The following VEPH1 variants were observed in gnomAD, a reference collection of about 807,000 sequenced individuals.
The protein encoded by VEPH1 is ventricular zone-expressed PH domain-containing protein homolog 1.
In VEPH1, 80 loss-of-function variants were observed where a neutral mutation model predicts 85.2. That is an observed-to-expected ratio of 0.94 (90% confidence interval 0.78 to 1.13). The LOEUF is 1.13. Among genes scored for constraint, VEPH1 ranks in the 50% most tolerant of loss-of-function variants. The pLI is 0.00. For missense variants in VEPH1, 955 were observed against 980.5 expected (o/e 0.97, Z 0.35); for synonymous variants, 297 against 348.0 (o/e 0.85, Z 1.63).
At chr3:157,362,851 A>C (rs1726201756) in intron 9 of VEPH1, among the ~76,000 whole-genome samples, 1 of 152,208 alleles carries the variant, frequency 6.6e-6, no homozygotes, top group Non-Finnish European at 1.5e-5. Flanking sequence ...GTTGAGCATC[A>C]TCATCTATAC....
intron 2 of VEPH1, chr3:157,489,467 C>T (rs900382482): frequency 1.5e-5 from 3 of 195,502 alleles, no homozygotes; most frequent in African/African-American, 7.0e-5. Context: ...GAAATGATTT[C>T]CTCCAGGTAC....
intron 9 of VEPH1, among the ~76,000 whole-genome samples, chr3:157,334,321 C>T (rs1436057410): frequency 6.6e-6 from 1 of 152,090 alleles, no homozygotes; most frequent in East Asian, 1.9e-4. Flanking sequence ...AATTTGAAAG[C>T]CAATTTTAGA....
At chr3:157,363,817 G>A (rs1351663370) in intron 8 of VEPH1, 56 bp from the exon 9 acceptor site, 4 of 1,555,980 alleles carry the variant, frequency 2.6e-6, no homozygotes, top group Admixed American at 3.8e-5. Flanking sequence ...CACTGACAAG[G>A]AAAAGAAATA....
At chr3:157,486,077 C>T (rs1191193566) in intron 2 of VEPH1, among the ~76,000 whole-genome samples, 2 of 152,030 alleles carry the variant, frequency 1.3e-5, no homozygotes, top group Non-Finnish European at 2.9e-5. Context: ...TGAGGATATA[C>T]AAAATTTGAA....
intron 12 of VEPH1, among the ~76,000 whole-genome samples, chr3:157,285,738 T>C (rs1212349485): frequency 6.6e-6 from 1 of 152,224 alleles, no homozygotes; most frequent in Non-Finnish European, 1.5e-5. Flanking sequence ...GCAACGTGTT[T>C]CCACTGGTTG....
chr3:157,472,976 T>C (rs1338335169), intron 2 of VEPH1, among the ~76,000 whole-genome samples: 1 of 152,106 alleles, frequency 6.6e-6, no homozygotes, highest in Non-Finnish European at 1.5e-5. Flanking sequence ...TTTTTGACCA[T>C]GTTTCCTAGT....
chr3:157,445,040 A>G (rs1734434263), intron 4 of VEPH1, among the ~76,000 whole-genome samples: 1 of 152,174 alleles, frequency 6.6e-6, no homozygotes, highest in Non-Finnish European at 1.5e-5. Context: ...CAGCCATATA[A>G]CTATGTTCTG....
intron 9 of VEPH1, among the ~76,000 whole-genome samples, chr3:157,321,411 A>G (rs1408103000): frequency 6.6e-6 from 1 of 152,216 alleles, no homozygotes; most frequent in Non-Finnish European, 1.5e-5. Flanking sequence ...TAGGAAAGGA[A>G]CTAATTTTCA....
rs539675596 is a variant in VEPH1, at chr3:157,345,181, C to A, written c.1735+18183G>T. Among the ~76,000 whole-genome samples the A allele has an allele frequency of 1.4e-3, 218 of 152,114 alleles. 2 individuals carry two copies. Among genetic ancestry groups the A allele is most frequent in the East Asian group, 0.014 (72 of 5,176 alleles). On this transcript the variant is annotated intron_variant, in intron 9 of 13. Transcript: ENST00000362010. ...CAAAAGCCAAAATTGACAAATGGGA[C>A]CTAAATAAACTAAAGAGTTTCTGCA...
chr3:157,408,234 G>A (rs1169367202), intron 6 of VEPH1, among the ~76,000 whole-genome samples: 1 of 151,986 alleles, frequency 6.6e-6, no homozygotes, highest in Admixed American at 6.6e-5. Context: ...CATTATGGAT[G>A]GCCTTGGCTC....
At chr3:157,335,407 C>G (rs1281760478) in intron 9 of VEPH1, among the ~76,000 whole-genome samples, 1 of 150,452 alleles carries the variant, frequency 6.6e-6, no homozygotes, top group Non-Finnish European at 1.5e-5. Flanking sequence ...AAACAAAGAA[C>G]AAAAAACAAC....
At chr3:157,339,538 TC>T (rs1559971981) in intron 9 of VEPH1, among the ~76,000 whole-genome samples, 1 of 152,130 alleles carries the variant, frequency 6.6e-6, no homozygotes, top group Non-Finnish European at 1.5e-5. Context: ...GCTCCACTGC[TC>T]TTATGATATT....
Position 157,502,932 on chromosome 3 carries a change from G to A in VEPH1, c.-158+345C>T, listed in dbSNP as rs572083162. On this transcript the variant is annotated intron_variant, in intron 1 of 13. Transcript: ENST00000362010. ...TGCTGGTTGCAAAATGTTGATTGAAGTAAACAAAAGTATAAAATAGAAATG... is the reference window on the plus strand; with the variant it reads ...TGCTGGTTGCAAAATGTTGATTGAAATAAACAAAAGTATAAAATAGAAATG... Among the ~76,000 whole-genome samples, 12 of 152,260 alleles carry A rather than the reference G, an allele frequency of 7.9e-5. No individual in the cohort carries two copies. In the South Asian group the frequency reaches 2.5e-3, roughly 32 times the overall value.
intron 12 of VEPH1, among the ~76,000 whole-genome samples, chr3:157,267,899 G>A (rs763319296): frequency 6.6e-6 from 1 of 152,160 alleles, no homozygotes; most frequent in Non-Finnish European, 1.5e-5. Flanking sequence ...GCATTTCAGT[G>A]GTCAGGAAAG....
chr3:157,463,953 T>C (rs966772812), intron 3 of VEPH1, among the ~76,000 whole-genome samples: 9 of 152,192 alleles, frequency 5.9e-5, no homozygotes, highest in Non-Finnish European at 5.9e-5. Context: ...CTTTCTCTGC[T>C]CATTGGAAGT....
At chr3:157,336,935 A>G (rs986235311) in intron 9 of VEPH1, among the ~76,000 whole-genome samples, 1 of 152,220 alleles carries the variant, frequency 6.6e-6, no homozygotes, top group Non-Finnish European at 1.5e-5. Flanking sequence ...TTGGACTTTT[A>G]TATGGGAAGT....
At chr3:157,374,403 G>T (rs1342957901) in intron 7 of VEPH1, among the ~76,000 whole-genome samples, 1 of 152,184 alleles carries the variant, frequency 6.6e-6, no homozygotes, top group Non-Finnish European at 1.5e-5. Flanking sequence ...TTTTAATTAT[G>T]GTTCTGAACT....
chr3:157,473,947 G>A (rs1246366564), intron 2 of VEPH1, among the ~76,000 whole-genome samples: 2 of 152,028 alleles, frequency 1.3e-5, no homozygotes, highest in Admixed American at 1.3e-4. Context: ...CCCAATATTA[G>A]TTAACTTTGC....
At chr3:157,392,898 C>T (rs539530647) in intron 6 of VEPH1, among the ~76,000 whole-genome samples, 21 of 152,270 alleles carry the variant, frequency 1.4e-4, no homozygotes, top group African/African-American at 3.6e-4. Context: ...TGGTATAACC[C>T]CCAGCCTGCT....
Sources: allele counts gnomAD v4.1 joint callset (sites outside exome capture counted in the v4.1 genomes callset), GRCh38; gene constraint gnomAD v4.1.1; transcripts MANE v1.5; gene names NCBI Gene and HGNC (gene_info 2026-07-23, HGNC 2026-07-21).